The following LRP1B variants were observed in gnomAD, a reference collection of about 807,000 sequenced individuals.
LRP1B encodes the protein LDL receptor related protein 1B.
LRP1B carries 217 observed loss-of-function variants against 556.6 expected under a neutral mutation model. The ratio of observed to expected loss-of-function variants is 0.39; its 90% confidence interval spans 0.35 to 0.44. The LOEUF (loss-of-function observed/expected upper bound fraction) is 0.44. LRP1B is among the 20% of genes least tolerant of loss of function. LRP1B has a pLI of 1.00. For missense variants in LRP1B, 5,053 were observed against 5,620.8 expected (o/e 0.90, Z 3.23); for synonymous variants, 2,047 against 1,865.8 (o/e 1.10, Z -2.50).
At chr2:140,235,752 C>A (rs1299248850) in intron 89 of LRP1B, among the ~76,000 whole-genome samples, 1 of 150,922 alleles carries the variant, frequency 6.6e-6, no homozygotes, top group African/African-American at 2.4e-5. Flanking sequence ...AAAAGCTATT[C>A]TCTTTAAGTG....
rs1683840054 is a variant in LRP1B, at chr2:140,388,035, C to A, written c.10415-2026G>T. Among the ~76,000 whole-genome samples the A allele has an allele frequency of 5.3e-5, 8 of 150,786 alleles. No homozygotes were observed. In the South Asian group the frequency reaches 1.7e-3, roughly 31 times the overall value. ...CACTGCAACCTCTGCTTCCTGAGTT[C>A]AAGTGATTCTCCTGCCTCAGCCTCC... On this transcript the variant is annotated intron_variant, in intron 66 of 90. Transcript: ENST00000389484.
chr2:140,647,425 T>C (rs1259669451), intron 41 of LRP1B, among the ~76,000 whole-genome samples: 1 of 149,508 alleles, frequency 6.7e-6, no homozygotes, highest in Non-Finnish European at 1.5e-5. Context: ...AATAAATAAT[T>C]ATTGAGTGTT....
intron 2 of LRP1B, among the ~76,000 whole-genome samples, chr2:141,611,189 A>T (rs554696945): frequency 6.6e-6 from 1 of 152,358 alleles, no homozygotes; most frequent in Admixed American, 6.5e-5. Context: ...AAGGAGCTAC[A>T]TCTCCTCTGT....
chr2:141,032,932 A>G (rs995711788), intron 11 of LRP1B, among the ~76,000 whole-genome samples: 2 of 151,114 alleles, frequency 1.3e-5, no homozygotes, highest in Non-Finnish European at 3.0e-5. Flanking sequence ...CCCCATACGC[A>G]CACAGGCATG....
chr2:141,307,417 T>G (rs1686631240), intron 3 of LRP1B, among the ~76,000 whole-genome samples: 1 of 152,166 alleles, frequency 6.6e-6, no homozygotes, highest in Non-Finnish European at 1.5e-5. Context: ...ATCTGGTATG[T>G]GTAGCTATTC....
chr2:141,154,359 T>C (rs1315728903), intron 7 of LRP1B, among the ~76,000 whole-genome samples: 1 of 142,596 alleles, frequency 7.0e-6, no homozygotes, highest in Non-Finnish European at 1.6e-5. Flanking sequence ...AAATCCCTTA[T>C]TCTTATTTTA....
Position 141,743,827 on chromosome 2 carries a change from T to G in LRP1B, c.205+66452A>C, listed in dbSNP as rs79737016. ...TAGTGCCCACTAAGGATCCTTTTAG[T>G]TTCTGTGGTGTCAGTTGTAATGCCT... On this transcript the variant is annotated intron_variant, in intron 2 of 90. Transcript: ENST00000389484. 5.6e-3 allele frequency among the ~76,000 whole-genome samples: 845 copies of G among 152,232 alleles called. 9 individuals are homozygous for G. Among genetic ancestry groups the G allele is most frequent in the African/African-American group, 0.018 (743 of 41,560 alleles).
intron 1 of LRP1B, among the ~76,000 whole-genome samples, chr2:141,892,537 C>T (rs1221562677): frequency 6.6e-6 from 1 of 151,952 alleles, no homozygotes; most frequent in Non-Finnish European, 1.5e-5. Flanking sequence ...AAAGGAATAG[C>T]TGTGAAAAGA....
chr2:140,824,356 G>A (rs1305144945), intron 31 of LRP1B, among the ~76,000 whole-genome samples: 1 of 152,002 alleles, frequency 6.6e-6, no homozygotes, highest in Non-Finnish European at 1.5e-5. Context: ...TGAAATAAAT[G>A]AGGGATTACT....
intron 18 of LRP1B, among the ~76,000 whole-genome samples, chr2:140,979,318 C>T (rs968260639): frequency 6.6e-6 from 1 of 151,624 alleles, no homozygotes; most frequent in African/African-American, 2.4e-5. Context: ...TTCTATTTGC[C>T]AGCTGTAAAG....
At chr2:141,120,148 C>G (rs1231337669) in intron 7 of LRP1B, among the ~76,000 whole-genome samples, 2 of 151,828 alleles carry the variant, frequency 1.3e-5, no homozygotes, top group African/African-American at 4.8e-5. Flanking sequence ...CAAGGAATTT[C>G]AGATTTGAAA....
At chr2:141,050,129 G>T (rs969297557) in intron 10 of LRP1B, among the ~76,000 whole-genome samples, 3 of 151,652 alleles carry the variant, frequency 2.0e-5, no homozygotes, top group Non-Finnish European at 1.5e-5. Context: ...AGACTCAGCT[G>T]TATTTGGATA....
At chr2:140,752,087 C>T (rs1480117657) in intron 35 of LRP1B, among the ~76,000 whole-genome samples, 3 of 152,000 alleles carry the variant, frequency 2.0e-5, no homozygotes, top group Non-Finnish European at 4.4e-5. Context: ...GAGGGCAAGG[C>T]GGGCGGATCA....
intron 74 of LRP1B, 106 bp from the exon 75 acceptor site, chr2:140,356,582 T>G (rs1488872584): frequency 1.4e-6 from 1 of 720,826 alleles, no homozygotes; most frequent in East Asian, 2.7e-5. Context: ...CACAGATAAC[T>G]CTTTTTGAAT....
intron 1 of LRP1B, among the ~76,000 whole-genome samples, chr2:141,842,621 T>A (rs1697512965): frequency 6.6e-6 from 1 of 152,162 alleles, no homozygotes; most frequent in Non-Finnish European, 1.5e-5. Flanking sequence ...TTCATCTTCA[T>A]AAAATGTGTC....
intron 20 of LRP1B, among the ~76,000 whole-genome samples, chr2:140,933,809 G>A (rs549345358): frequency 2.6e-5 from 4 of 151,920 alleles, no homozygotes; most frequent in Admixed American, 6.6e-5. Context: ...TACAGTTACT[G>A]GTTTTAATTT....
chr2:140,881,488 TA>T (rs568937990), intron 25 of LRP1B, among the ~76,000 whole-genome samples: 1 of 152,212 alleles, frequency 6.6e-6, no homozygotes, highest in Admixed American at 6.6e-5. Flanking sequence ...TTAACCTCTA[TA>T]AAATAACTTT....
chr2:141,564,632 A>T (rs1559143536), intron 2 of LRP1B, among the ~76,000 whole-genome samples: 1 of 152,042 alleles, frequency 6.6e-6, no homozygotes, highest in Non-Finnish European at 1.5e-5. Context: ...TGTCAAAGGG[A>T]TACGTTCAGC....
intron 9 of LRP1B, among the ~76,000 whole-genome samples, chr2:141,055,506 A>G (rs991798210): frequency 6.6e-6 from 1 of 151,998 alleles, no homozygotes; most frequent in Non-Finnish European, 1.5e-5. Context: ...ATGTGTTTAT[A>G]TTAATTTAAA....
Sources: allele counts gnomAD v4.1 joint callset (sites outside exome capture counted in the v4.1 genomes callset), GRCh38; gene constraint gnomAD v4.1.1; transcripts MANE v1.5; gene names NCBI Gene and HGNC (gene_info 2026-07-23, HGNC 2026-07-21).